The following DOCK3 variants were observed in gnomAD, a reference collection of about 807,000 sequenced individuals.
DOCK3 encodes dedicator of cytokinesis protein 3.
Under a neutral mutation model 265.6 loss-of-function variants are expected in DOCK3, and 60 were observed. The ratio of observed to expected loss-of-function variants is 0.23; its 90% CI spans 0.18 to 0.28. The LOEUF is 0.28. DOCK3 is among the 10% of genes least tolerant of loss of function. DOCK3 has a pLI of 1.00. For missense variants in DOCK3, 1,981 were observed against 2,594.3 expected (o/e 0.76, Z 5.14); for synonymous variants, 881 against 938.0 (o/e 0.94, Z 1.11).
intron 2 of DOCK3, among the ~76,000 whole-genome samples, chr3:50,836,084 A>C (rs968418829): frequency 6.6e-6 from 1 of 152,240 alleles, no homozygotes; most frequent in Admixed American, 6.5e-5. Flanking sequence ...AAAGTAAAAA[A>C]ATCAGATAAA....
At chr3:50,822,385 A>T (rs528315010) in intron 2 of DOCK3, among the ~76,000 whole-genome samples, 1 of 152,174 alleles carries the variant, frequency 6.6e-6, no homozygotes, top group Admixed American at 6.5e-5. Context: ...TAAATTGGTT[A>T]TCAGTTCCAA....
At chr3:51,128,367 A>T (rs548567083) in intron 9 of DOCK3, among the ~76,000 whole-genome samples, 1 of 152,310 alleles carries the variant, frequency 6.6e-6, no homozygotes, top group Admixed American at 6.5e-5. Context: ...ATTGTCACAT[A>T]GTTGGCATTG....
At chr3:50,737,389 C>A (rs1418858370) in intron 1 of DOCK3, among the ~76,000 whole-genome samples, 1 of 152,154 alleles carries the variant, frequency 6.6e-6, no homozygotes, top group Non-Finnish European at 1.5e-5. Flanking sequence ...GGAACTCTGT[C>A]ATGACAACAG....
chr3:51,227,164 G>A, intron 15 of DOCK3, 119 bp from the exon 16 acceptor site: 1 of 1,105,742 alleles, frequency 9.0e-7, no homozygotes, highest in Non-Finnish European at 1.3e-6. Context: ...TTATCTCATA[G>A]ATTTTGCTTA....
rs555016434 is a variant in DOCK3 at position 50,806,936 on chromosome 3, A to T, written c.121+28178A>T. Among the ~76,000 whole-genome samples, 14 of 152,190 alleles carry T rather than the reference A, an allele frequency of 9.2e-5. No individual in the cohort carries two copies. In the South Asian group the frequency reaches 2.7e-3, roughly 29 times the overall value. ...TGGACTCAGGGGGTGTAAGGACTGT[A>T]GGCCTTTGCAGTGGTGGTAGGGGAT... is the stretch of plus-strand genomic sequence containing the variant. On this transcript the variant is annotated intron_variant, in intron 2 of 52. Coordinates refer to ENST00000266037, the MANE Select transcript of DOCK3 (RefSeq NM_004947.5).
At chr3:51,064,191 A>G (rs1370963464) in intron 5 of DOCK3, among the ~76,000 whole-genome samples, 1 of 152,226 alleles carries the variant, frequency 6.6e-6, no homozygotes, top group Non-Finnish European at 1.5e-5. Flanking sequence ...AGAAATGAAT[A>G]ATCTAGGATG....
intron 1 of DOCK3, among the ~76,000 whole-genome samples, chr3:50,722,889 A>T (rs552048456): frequency 1.3e-5 from 2 of 149,924 alleles, no homozygotes; most frequent in South Asian, 4.2e-4. Context: ...CTCCCCACTC[A>T]GCCTCCCAAG....
chr3:51,144,187 A>G (rs999871029), intron 9 of DOCK3, among the ~76,000 whole-genome samples: 1 of 152,056 alleles, frequency 6.6e-6, no homozygotes, highest in Non-Finnish European at 1.5e-5. Flanking sequence ...GACTCCCTCA[A>G]CCCCACATGC....
intron 3 of DOCK3, among the ~76,000 whole-genome samples, chr3:50,845,760 C>G (rs930466902): frequency 1.3e-5 from 2 of 152,040 alleles, no homozygotes; most frequent in Non-Finnish European, 2.9e-5. Context: ...ATCGCTTGAA[C>G]TTGGGAGGCA....
At chr3:51,261,958 C>T (rs1309340475) in intron 23 of DOCK3, among the ~76,000 whole-genome samples, 1 of 152,188 alleles carries the variant, frequency 6.6e-6, no homozygotes, top group Admixed American at 6.5e-5. Context: ...GGATAGAACA[C>T]CTCGGGGAAG....
At chr3:50,734,027 C>G (rs1293823186) in intron 1 of DOCK3, among the ~76,000 whole-genome samples, 2 of 152,058 alleles carry the variant, frequency 1.3e-5, no homozygotes, top group African/African-American at 2.4e-5. Flanking sequence ...GTATAGTGTT[C>G]TTGAAAATTG....
At chr3:50,695,416 C>T (rs1344795235) in intron 1 of DOCK3, among the ~76,000 whole-genome samples, 1 of 152,182 alleles carries the variant, frequency 6.6e-6, no homozygotes, top group Non-Finnish European at 1.5e-5. Flanking sequence ...GCACAAATCC[C>T]TGTGAATTTC....
At chr3:51,191,474 C>T (rs957777533) in intron 12 of DOCK3, among the ~76,000 whole-genome samples, 4 of 152,138 alleles carry the variant, frequency 2.6e-5, no homozygotes, top group East Asian at 1.9e-4. Context: ...GTCACCACTC[C>T]GTAAATCAGT....
At chr3:51,296,244 A>G (rs2082072666) in intron 27 of DOCK3, among the ~76,000 whole-genome samples, 2 of 152,214 alleles carry the variant, frequency 1.3e-5, no homozygotes, top group Non-Finnish European at 2.9e-5. Flanking sequence ...AAATGAATAA[A>G]AAAGAACTTC....
intron 5 of DOCK3, among the ~76,000 whole-genome samples, chr3:51,049,311 G>T (rs1246555431): frequency 2.2e-5 from 3 of 134,564 alleles, no homozygotes; most frequent in Non-Finnish European, 3.1e-5. Context: ...GGGTGAAAGA[G>T]TGAGACCGTG....
At chr3:50,727,379 C>G (rs1474099421) in intron 1 of DOCK3, among the ~76,000 whole-genome samples, 1 of 152,126 alleles carries the variant, frequency 6.6e-6, no homozygotes, top group Non-Finnish European at 1.5e-5. Flanking sequence ...GGGAATATTA[C>G]TAGAGAAAAA....
chr3:51,012,463 TCTC>T (rs1280810897), intron 5 of DOCK3, among the ~76,000 whole-genome samples: 1 of 152,130 alleles, frequency 6.6e-6, no homozygotes, highest in Non-Finnish European at 1.5e-5. Flanking sequence ...CAGGATATAA[TCTC>T]CTCGTGTCCG....
chr3:51,249,531 G>A lies in DOCK3; in HGVS notation c.2184+2724G>A, dbSNP rs796520604. ...GGGTCAGCTCCCCGCCCGGCCAGCCGCCCGGTCCGGGAGGGAGGTGGGCGG... is the reference window on the plus strand; with the variant it reads ...GGGTCAGCTCCCCGCCCGGCCAGCCACCCGGTCCGGGAGGGAGGTGGGCGG... On this transcript the variant is annotated intron_variant, in intron 22 of 52. Transcript: ENST00000266037. Among the ~76,000 whole-genome samples the A allele has an allele frequency of 2.0e-3, 188 of 92,178 alleles. 6 individuals are homozygous for A. Among genetic ancestry groups the A allele is most frequent in the African/African-American group, 7.5e-3 (181 of 24,246 alleles). The allele number at this position is 92,178 out of a possible 152,430, so 60.5% of individuals were successfully genotyped here. A position where few individuals can be genotyped will look rare whatever the true frequency, so the allele number is the denominator to read the frequency against.
chr3:51,350,860 G>A (rs1410911639), intron 40 of DOCK3, among the ~76,000 whole-genome samples: 1 of 152,216 alleles, frequency 6.6e-6, no homozygotes, highest in African/African-American at 2.4e-5. Flanking sequence ...ATGGAGAACT[G>A]TTGGTATGAG....
Sources: allele counts gnomAD v4.1 joint callset (sites outside exome capture counted in the v4.1 genomes callset), GRCh38; gene constraint gnomAD v4.1.1; transcripts MANE v1.5; gene names NCBI Gene and HGNC (gene_info 2026-07-23, HGNC 2026-07-21).